CCDC86: variants seen among roughly 807,000 people sequenced by gnomAD.
CCDC86 encodes coiled-coil domain-containing protein 86.
In CCDC86, 28 loss-of-function variants were observed where a neutral mutation model predicts 36.7. That is an observed-to-expected ratio of 0.76 (90% CI 0.57 to 1.05). The LOEUF (loss-of-function observed/expected upper bound fraction) is 1.05, where lower values mean the gene tolerates loss of function less well. CCDC86 is among the 50% of genes least tolerant of loss of function. The pLI is 0.00. For synonymous variants in CCDC86, 199 were observed against 203.4 expected, an observed-to-expected ratio of 0.98 and a Z score of 0.18; for missense variants, 453 against 470.2, an observed-to-expected ratio of 0.96 and a Z score of 0.34.
chr11:60,843,009 A>G, intron 1 of CCDC86, 127 bp downstream of exon 1: 1 of 1,255,508 alleles, frequency 8.0e-7, no homozygotes, highest in Middle Eastern at 2.0e-4. Context: ...GGATGTTAGC[A>G]AACAGGTAAT....
At chr11:60,845,264 G>T (rs546874015) in intron 1 of CCDC86, among the ~76,000 whole-genome samples, 1 of 152,328 alleles carries the variant, frequency 6.6e-6, no homozygotes, top group Non-Finnish European at 1.5e-5. Flanking sequence ...AGCAGGACCT[G>T]GTGACCCTTA....
Position 60,850,267 on chromosome 11 carries a change from G to A in CCDC86, c.1025G>A (p.Arg342Gln), listed in dbSNP as rs767615161. Reference sequence around the variant, plus strand: ...AAGCAGCTGCGCTCCATTGAGAAGCGGGACACCCTGGCCCTGCTGCAGAAG... The same window carrying A: ...AAGCAGCTGCGCTCCATTGAGAAGCAGGACACCCTGGCCCTGCTGCAGAAG... ...KKKQLRSIEK[R>Q]DTLALLQKQP... The change falls in exon 4 of 4, where the codon CGG becomes CAG. Residue 342 changes from arginine (R) to glutamine (Q), a missense_variant. Arg to Gln is a conservative substitution (Grantham distance 43, BLOSUM62 1). Transcript: ENST00000227520. 17 of 1,614,074 alleles carry A rather than the reference G, an allele frequency of 1.1e-5. No homozygotes were observed. Among genetic ancestry groups the A allele is most frequent in the Middle Eastern group, 3.3e-4 (2 of 6,082 alleles).
chr11:60,845,212 G>C (rs1855168543), intron 1 of CCDC86, among the ~76,000 whole-genome samples: 1 of 152,238 alleles, frequency 6.6e-6, no homozygotes, highest in Non-Finnish European at 1.5e-5. Flanking sequence ...CTGCTGGAAT[G>C]AGGGGGAGAA....
In CCDC86 at chr11:60,842,378, C is replaced by G. The variant is rs780198135; in HGVS notation, c.254C>G (p.Pro85Arg). Residue 85 changes from proline to arginine, a missense_variant, in exon 1 of 4, where the codon CCA becomes CGA. Transcript: ENST00000227520. ...GGCTTGGAGTCACCCCAAGGGCAGC[C>G]AGAGCCAGGCGCAGCGTCCCCCCAG... ...GAGLESPQGQPEPGAASPQRQ... is the reference protein window; with the variant it reads ...GAGLESPQGQREPGAASPQRQ... 1 of 1,613,950 alleles carries G rather than the reference C, an allele frequency of 6.2e-7. No homozygotes were observed.
In CCDC86 at chr11:60,848,035, G is replaced by C. The variant is rs761403131; in HGVS notation, c.870G>C (p.Glu290Asp). ...AKDFARHLEE[E>D]KERRRQEKKQ... The stretch of plus-strand genomic sequence containing the variant: ...ACTTTGCCCGTCACCTGGAGGAGGA[G>C]AAGGAGAGGCGCCGCCAGGTGAGGG... The change falls in exon 2 of 4, where the codon GAG becomes GAC. Residue 290 changes from glutamate to aspartate, a missense_variant. Transcript: ENST00000227520. 7 of 1,613,270 alleles carry C rather than the reference G, an allele frequency of 4.3e-6. No individual in the cohort carries two copies. The East Asian group carries it at 1.3e-4, about 31-fold the overall frequency.
chr11:60,842,116 G>C lies in CCDC86; in HGVS notation c.-9G>C. 2.0e-6 allele frequency: 3 copies of C among 1,526,274 alleles called. No individual in the cohort carries two copies. The highest frequency in any genetic ancestry group is 2.6e-6 in the Non-Finnish European group (3 of 1,136,728). The allele number at this position is 1,526,274 out of a possible 1,614,324, so 94.5% of individuals were successfully genotyped here. On this transcript the variant is annotated 5_prime_UTR_variant, in exon 1 of 4. Coordinates refer to ENST00000227520, the MANE Select transcript of CCDC86 (RefSeq NM_024098.4). ...GTGCGCAGGGGTGTGGAAACTTACC[G>C]GCTGAGCCATGGATACACCGTTAAG...
chr11:60,850,223 G>C lies in CCDC86; in HGVS notation c.981G>C (p.Lys327Asn). The C allele has an allele frequency of 6.2e-7, 1 of 1,614,194 alleles. No homozygotes were observed. The highest frequency in any genetic ancestry group is 1.1e-5 in the South Asian group (1 of 91,088). ...ACCCCCAGATCCGAAACCCCGCCAA[G>C]CTCAAGCGGGCAAAGAAGAAGCAGC... Reference protein sequence around the residue: ...EVVQVIRNPAKLKRAKKKQLR... With the variant: ...EVVQVIRNPANLKRAKKKQLR... Residue 327 changes from lysine (K) to asparagine (N), a missense_variant, in exon 4 of 4, where the codon AAG becomes AAC. Transcript: ENST00000227520.
intron 2 of CCDC86, 55 bp downstream of exon 2, chr11:60,848,108 T>G: frequency 6.3e-7 from 1 of 1,594,298 alleles, no homozygotes; most frequent in South Asian, 1.1e-5. Flanking sequence ...TAGTGTCTAC[T>G]GGTACAGACC....
chr11:60,850,108 C>T (rs1418168311), intron 3 of CCDC86, 94 bp downstream of exon 3: 1 of 1,606,480 alleles, frequency 6.2e-7, no homozygotes, highest in African/African-American at 1.3e-5. Context: ...CACTCTCATG[C>T]TACGATCTCA....
chr11:60,843,088 T>C, intron 1 of CCDC86: 1 of 620,288 alleles, frequency 1.6e-6, no homozygotes, highest in Non-Finnish European at 2.5e-6. Flanking sequence ...AAAGATCAAT[T>C]TCTCTGATGC....
At chr11:60,847,743 G>A (rs1445831786) in intron 1 of CCDC86, 181 bp from the exon 2 acceptor site, 6 of 661,866 alleles carry the variant, frequency 9.1e-6, no homozygotes, top group Non-Finnish European at 1.2e-5. Context: ...CAGCCAGCAC[G>A]ATCAGGGTTC....
At chr11:60,848,157 C>T in intron 2 of CCDC86, 104 bp downstream of exon 2, 2 of 1,407,970 alleles carry the variant, frequency 1.4e-6, no homozygotes, top group Admixed American at 2.5e-5. Flanking sequence ...GGGAGGCCGA[C>T]TTGGTTAAAA....
In CCDC86 at chr11:60,847,610, C is replaced by T. The variant is rs137887557; in HGVS notation, c.759-314C>T. On this transcript the variant is annotated intron_variant, in intron 1 of 3. Coordinates refer to ENST00000227520, the MANE Select transcript of CCDC86 (RefSeq NM_024098.4). Reference sequence around the variant, plus strand: ...TGCAGTCGCTGACAGGATTCAAGTCCTGACTGCCACAAGGTATCTTTAGGC... The same window carrying T: ...TGCAGTCGCTGACAGGATTCAAGTCTTGACTGCCACAAGGTATCTTTAGGC... 8.0e-5 allele frequency: 14 copies of T among 173,940 alleles called. No individual in the cohort carries two copies. The East Asian group carries it at 2.1e-3, about 26-fold the overall frequency. 10.8% of individuals were successfully genotyped at this position (173,940 alleles called of 1,614,324 possible).
chr11:60,850,427 A>C lies in CCDC86; in HGVS notation c.*102A>C. Reference sequence around the variant, plus strand: ...CTGCTGGAGCTGGCACTCCAAACCCATGGCTCCAGAACAGGGACCCCCACC... The same window carrying C: ...CTGCTGGAGCTGGCACTCCAAACCCCTGGCTCCAGAACAGGGACCCCCACC... On this transcript the variant is annotated 3_prime_UTR_variant, in exon 4 of 4. Transcript: ENST00000227520. 5.6e-6 allele frequency: 8 copies of C among 1,432,750 alleles called. No individual in the cohort carries two copies. The highest frequency in any genetic ancestry group is 5.6e-6 in the Non-Finnish European group (6 of 1,064,358). 88.8% of individuals were successfully genotyped at this position (1,432,750 alleles called of 1,614,324 possible). A position where few individuals can be genotyped will look rare whatever the true frequency, so the allele number is the denominator to read the frequency against.
intron 2 of CCDC86, among the ~76,000 whole-genome samples, chr11:60,849,632 G>A (rs1855229177): frequency 6.6e-6 from 1 of 152,186 alleles, no homozygotes. Flanking sequence ...TGGCATGAGG[G>A]GTCACTGTCT....
In CCDC86 at chr11:60,849,979, C is replaced by G; in HGVS notation, c.928C>G (p.Leu310Val). ...CCGGGCTGAGAACCTGAAACGCCGC[C>G]TGGAGAATGAGCGGAAGGCAGAGGT... ...QRRAENLKRR[L>V]ENERKAEVVQ... The change falls in exon 3 of 4, where the codon CTG (leucine) becomes GTG (valine). Residue 310 changes from leucine (L) to valine (V), a missense_variant. Transcript: ENST00000227520. 6.2e-7 allele frequency: 1 copy of G among 1,614,212 alleles called. No individual in the cohort carries two copies. The highest frequency in any genetic ancestry group is 2.2e-5 in the East Asian group (1 of 44,874).
intron 2 of CCDC86, among the ~76,000 whole-genome samples, chr11:60,849,081 C>A (rs1156262972): frequency 6.6e-6 from 1 of 152,134 alleles, no homozygotes; most frequent in Non-Finnish European, 1.5e-5. Flanking sequence ...GGGGCCTGGG[C>A]CACCCCTGCT....
rs749553543 is a variant in CCDC86 at position 60,842,194 on chromosome 11, T to A, written c.70T>A (p.Ser24Thr). The stretch of plus-strand genomic sequence containing the variant: ...GCCCGAATCCCCCGAGAGCCTCACC[T>A]CAGTTTCGCGGACGAGACGGGCCCT... ...LRPESPESLT[S>T]VSRTRRALVE... The change falls in exon 1 of 4, where the codon TCA (serine) becomes ACA (threonine). Residue 24 changes from serine (S) to threonine (T), a missense_variant. By Grantham distance (58) the Ser-to-Thr change is moderately conservative. Coordinates refer to ENST00000227520, the MANE Select transcript of CCDC86 (RefSeq NM_024098.4). 2 of 1,612,638 alleles carry A rather than the reference T, an allele frequency of 1.2e-6. No individual in the cohort carries two copies. The highest frequency in any genetic ancestry group is 8.5e-7 in the Non-Finnish European group (1 of 1,179,598).
chr11:60,846,273 G>A (rs1221258167), intron 1 of CCDC86, among the ~76,000 whole-genome samples: 2 of 152,290 alleles, frequency 1.3e-5, no homozygotes. Flanking sequence ...TGCTTAGGAG[G>A]CCAGGCCTTC....
Sources: gnomAD v4.1 joint callset for allele counts (sites outside exome capture counted in the v4.1 genomes callset) on GRCh38, gnomAD v4.1.1 for gene constraint, MANE v1.5 for transcripts, NCBI Gene and HGNC (gene_info 2026-07-23, HGNC 2026-07-21) for gene names.